Variants in VASH2 observed in about 807,000 individuals in gnomAD.
The protein encoded by VASH2 is tubulinyl-Tyr carboxypeptidase 2.
A neutral mutation model predicts 37.2 loss-of-function variants in VASH2; 28 were observed. That is an observed-to-expected ratio of 0.75 (90% confidence interval 0.56 to 1.03). The LOEUF is 1.03. VASH2 is among the 50% of genes least tolerant of loss of function. The probability of loss-of-function intolerance (pLI) is 0.00; values close to 1 mark genes in which losing one functional copy is unlikely to be tolerated. For synonymous variants in VASH2, 188 were observed against 174.7 expected, an observed-to-expected ratio of 1.08 and a Z score of -0.60; for missense variants, 419 against 459.1, an observed-to-expected ratio of 0.91 and a Z score of 0.80.
chr1:212,963,055 AG>A (rs1666725562), intron 3 of VASH2, among the ~76,000 whole-genome samples: 1 of 152,068 alleles, frequency 6.6e-6, no homozygotes, highest in African/African-American at 2.4e-5. Flanking sequence ...GGTCTTCACA[AG>A]GATCATCTGG....
In VASH2 at chr1:212,988,549, A is replaced by C. The variant is rs747266193; in HGVS notation, c.1033A>C (p.Thr345Pro). Residue 345 changes from threonine (T) to proline (P), a missense_variant, in exon 8 of 8, where the codon ACT becomes CCT. Coordinates refer to ENST00000517399, the MANE Select transcript of VASH2 (RefSeq NM_001301056.2). Reference sequence around the variant, plus strand: ...TGAAAAGAAGGTGGCTGATCTGAGCACTCTGAATGAAGTGGGCTATCAAAT... The same window carrying C: ...TGAAAAGAAGGTGGCTGATCTGAGCCCTCTGAATGAAGTGGGCTATCAAAT... ...LPEKKVADLSTLNEVGYQIRI is the reference protein window; with the variant it reads ...LPEKKVADLSPLNEVGYQIRI The C allele has an allele frequency of 6.2e-7, 1 of 1,614,096 alleles. No individual in the cohort carries two copies. Among genetic ancestry groups the C allele is most frequent in the Non-Finnish European group, 8.5e-7 (1 of 1,180,010 alleles).
At chr1:212,974,767 T>C (rs191592431) in intron 7 of VASH2, 9 of 152,384 alleles carry the variant, frequency 5.9e-5, no homozygotes, top group Admixed American at 2.0e-4. Context: ...AATAGCAGCA[T>C]GCTGTGTCAC....
intron 6 of VASH2, 88 bp from the exon 7 acceptor site, chr1:212,973,867 C>T (rs1667093902): frequency 1.3e-6 from 2 of 1,511,958 alleles, no homozygotes; most frequent in African/African-American, 2.8e-5. Flanking sequence ...CATGATTGGG[C>T]TGGGGGGTGG....
chr1:212,954,333 T>C (rs551785546), intron 2 of VASH2, among the ~76,000 whole-genome samples: 33 of 152,344 alleles, frequency 2.2e-4, no homozygotes, highest in South Asian at 1.0e-3. Context: ...CTAAATCATG[T>C]CTGAGCAGTT....
At chr1:212,982,089 C>T (rs1332156489) in intron 7 of VASH2, among the ~76,000 whole-genome samples, 1 of 152,318 alleles carries the variant, frequency 6.6e-6, no homozygotes, top group African/African-American at 2.4e-5. Flanking sequence ...CCCTAGCCTA[C>T]CTCCTGCTTT....
At chr1:212,962,422 G>A (rs1666707644) in intron 3 of VASH2, among the ~76,000 whole-genome samples, 1 of 152,196 alleles carries the variant, frequency 6.6e-6, no homozygotes, top group Admixed American at 6.5e-5. Context: ...ACATTGACTG[G>A]CTTTCTGTTT....
chr1:212,976,231 C>A (rs1361653796), intron 7 of VASH2, among the ~76,000 whole-genome samples: 2 of 152,082 alleles, frequency 1.3e-5, no homozygotes, highest in Non-Finnish European at 2.9e-5. Context: ...GAGCCATCTA[C>A]TTAGAATTGC....
chr1:212,962,588 C>T (rs1171616340), intron 3 of VASH2, among the ~76,000 whole-genome samples: 1 of 152,226 alleles, frequency 6.6e-6, no homozygotes, highest in Non-Finnish European at 1.5e-5. Context: ...ACTAGCACCT[C>T]CCCCACAGGG....
At chr1:212,973,033 C>G in intron 6 of VASH2, 72 bp downstream of exon 6, 1 of 1,541,684 alleles carries the variant, frequency 6.5e-7, no homozygotes, top group Non-Finnish European at 8.6e-7. Flanking sequence ...GTCTCTTGCT[C>G]CAGGCCTCAT....
chr1:212,953,774 A>G (rs1666396809), intron 2 of VASH2, among the ~76,000 whole-genome samples: 2 of 152,150 alleles, frequency 1.3e-5, no homozygotes, highest in African/African-American at 4.8e-5. Context: ...TCTCCAGGTC[A>G]CTAATGCTGA....
intron 2 of VASH2, among the ~76,000 whole-genome samples, chr1:212,957,115 T>G (rs1261191046): frequency 6.6e-6 from 1 of 152,240 alleles, no homozygotes; most frequent in Non-Finnish European, 1.5e-5. Context: ...TAAGAGGAAT[T>G]ATTCAATATT....
In VASH2 at chr1:212,988,540, G is replaced by C; in HGVS notation, c.1024G>C (p.Asp342His). 9 of 1,614,158 alleles carry C rather than the reference G, an allele frequency of 5.6e-6. No individual in the cohort carries two copies. Among genetic ancestry groups the C allele is most frequent in the Non-Finnish European group, 6.8e-6 (8 of 1,180,008 alleles). Residue 342 changes from aspartate (D) to histidine (H), a missense_variant, in exon 8 of 8, where the codon GAT becomes CAT. By Grantham distance (81) the Asp-to-His change is moderately conservative. This residue lies in a region of VASH2 where 177 missense variants were observed against 166.2 expected (regional missense o/e 1.06). Transcript: ENST00000517399. The stretch of plus-strand genomic sequence containing the variant: ...TGCACTGCCTGAAAAGAAGGTGGCT[G>C]ATCTGAGCACTCTGAATGAAGTGGG... ...SPALPEKKVA[D>H]LSTLNEVGYQ...
At chr1:212,955,527 T>G (rs1199382962) in intron 2 of VASH2, among the ~76,000 whole-genome samples, 1 of 151,992 alleles carries the variant, frequency 6.6e-6, no homozygotes, top group Non-Finnish European at 1.5e-5. Flanking sequence ...TCAGAGAGAG[T>G]GGCCAGCCCA....
chr1:212,988,576 C>T lies in VASH2; in HGVS notation c.1060C>T (p.Arg354Ter). Residue 354 changes from arginine to a stop codon, truncating the protein, a stop_gained, in exon 8 of 8, where the codon CGA becomes TGA. Transcript: ENST00000517399. LOFTEE classifies it high-confidence loss of function. ...TCTGAATGAAGTGGGCTATCAAATC[C>T]GAATTTAGCCAAGCCATACCGGCCA... ...STLNEVGYQIRI is the reference protein window; with the variant it reads ...STLNEVGYQI 7.4e-6 allele frequency: 12 copies of T among 1,613,992 alleles called. No individual in the cohort carries two copies. Among genetic ancestry groups the T allele is most frequent in the Non-Finnish European group, 8.5e-6 (10 of 1,179,958 alleles).
chr1:212,969,889 T>G (rs1211959548), intron 5 of VASH2, among the ~76,000 whole-genome samples: 1 of 152,198 alleles, frequency 6.6e-6, no homozygotes, highest in Non-Finnish European at 1.5e-5. Flanking sequence ...TGCCTTCTCT[T>G]TTTTTGACTT....
intron 7 of VASH2, among the ~76,000 whole-genome samples, chr1:212,985,207 T>C: frequency 7.0e-6 from 1 of 142,090 alleles, no homozygotes; most frequent in Non-Finnish European, 1.5e-5. Context: ...GCTTTTTTTT[T>C]TTTTTTTTTT....
intron 2 of VASH2, among the ~76,000 whole-genome samples, chr1:212,956,276 T>C (rs1415512263): frequency 6.6e-6 from 1 of 152,210 alleles, no homozygotes; most frequent in African/African-American, 2.4e-5. Context: ...GTTTGTTTCA[T>C]TGTTCTTTCT....
intron 3 of VASH2, among the ~76,000 whole-genome samples, chr1:212,965,141 G>T (rs1010758404): frequency 1.4e-4 from 22 of 152,110 alleles, no homozygotes; most frequent in Non-Finnish European, 2.6e-4. Context: ...GGCTGGTGTC[G>T]AACTCCTGAC....
chr1:212,969,225 G>A, intron 5 of VASH2: 1 of 981,296 alleles, frequency 1.0e-6, no homozygotes, highest in Non-Finnish European at 1.2e-6. Flanking sequence ...CGGAGTCTTG[G>A]TCTGTCGCCC....
Sources: allele counts gnomAD v4.1 joint callset (sites outside exome capture counted in the v4.1 genomes callset), GRCh38; gene constraint gnomAD v4.1.1; regional missense constraint gnomAD v4.1.1; transcripts MANE v1.5; gene names NCBI Gene and HGNC (gene_info 2026-07-23, HGNC 2026-07-21).